RPAIN: variants seen among roughly 807,000 people sequenced by gnomAD.
RPAIN encodes RPA interacting protein, also known as RPA-interacting protein.
Under a neutral mutation model 30.5 loss-of-function variants are expected in RPAIN, and 29 were observed. The ratio of observed to expected loss-of-function variants is 0.95; its 90% CI spans 0.71 to 1.30. The LOEUF (loss-of-function observed/expected upper bound fraction) is 1.30, where lower values mean the gene tolerates loss of function less well. Ranked by LOEUF, RPAIN falls within the 50% of genes most tolerant of loss-of-function variation. The pLI is 0.00. For missense variants in RPAIN, 247 were observed against 264.7 expected (o/e 0.93, Z 0.46); for synonymous variants, 101 against 93.5 (o/e 1.08, Z -0.46).
chr17:5,421,425 G>A lies in RPAIN; in HGVS notation c.211G>A (p.Ala71Thr), dbSNP rs1005741111. Residue 71 changes from alanine to threonine, a missense_variant, in exon 2 of 7, where the codon GCT becomes ACT. Coordinates refer to ENST00000381209, the MANE Select transcript of RPAIN (RefSeq NM_001033002.4). ...AGAGGTGATGGAAGAAGAGTGGAAT[G>A]CTTTGCAGTCAGTGGAGAATTGTCC... ...VQEVMEEEWNALQSVENCPED... is the reference protein window; with the variant it reads ...VQEVMEEEWNTLQSVENCPED... The A allele has an allele frequency of 5.6e-6, 9 of 1,613,998 alleles. No individual in the cohort carries two copies. The highest frequency in any genetic ancestry group is 5.0e-5 in the Admixed American group (3 of 59,992).
Position 5,427,881 on chromosome 17 carries a change from C to G in RPAIN, c.490-190C>G. The G allele has an allele frequency of 7.9e-6, 5 of 634,098 alleles. No individual in the cohort carries two copies. The South Asian group carries it at 9.3e-5, about 12-fold the overall frequency. 39.3% of individuals were successfully genotyped at this position (634,098 alleles called of 1,614,324 possible). Reference sequence around the variant, plus strand: ...GCAGGAGTAGAGGGCGTTGGTTAATCTGGAGAGGCAGTTAAATGGAGATGG... The same window carrying G: ...GCAGGAGTAGAGGGCGTTGGTTAATGTGGAGAGGCAGTTAAATGGAGATGG... On this transcript the variant is annotated intron_variant, in intron 5 of 6. Coordinates refer to ENST00000381209, the MANE Select transcript of RPAIN (RefSeq NM_001033002.4).
chr17:5,426,290 C>A lies in RPAIN; in HGVS notation c.480C>A (p.Ile160=). The A allele has an allele frequency of 6.2e-7, 1 of 1,613,678 alleles. No homozygotes were observed. Among genetic ancestry groups the A allele is most frequent in the Non-Finnish European group, 8.5e-7 (1 of 1,179,574 alleles). ...GVVVCQCGLS[I]PSHSSELTEQ... ...TGGTGTGTCAGTGTGGCCTGTCCAT[C>A]CCATCTCATGTGAGTGTTCCACACA... The change falls in exon 5 of 7, where the codon ATC becomes ATA. Residue 160 remains isoleucine (I), a synonymous_variant. Coordinates refer to ENST00000381209, the MANE Select transcript of RPAIN (RefSeq NM_001033002.4).
Position 5,428,127 on chromosome 17 carries a change from G to A in RPAIN, c.546G>A (p.Glu182=), listed in dbSNP as rs1597344422. 6.2e-7 allele frequency: 1 copy of A among 1,614,114 alleles called. No individual in the cohort carries two copies. Among genetic ancestry groups the A allele is most frequent in the Non-Finnish European group, 8.5e-7 (1 of 1,179,982 alleles). ...LRACLEGSIN[E]HSAHCPHTPE... ...CCTGTTTAGAGGGTAGTATAAATGA[G>A]CACAGTGCACATTGTCCCCACACAC... is the stretch of plus-strand genomic sequence containing the variant. Residue 182 remains glutamate (E), a synonymous_variant, in exon 6 of 7, where the codon GAG becomes GAA. Coordinates refer to ENST00000381209, the MANE Select transcript of RPAIN (RefSeq NM_001033002.4).
intron 1 of RPAIN, 148 bp downstream of exon 1, chr17:5,420,439 G>A (rs1171305098): frequency 3.1e-6 from 2 of 648,816 alleles, no homozygotes; most frequent in Non-Finnish European, 2.6e-6. Context: ...TAGAGTGTGG[G>A]ATTAGCCCGG....
intron 6 of RPAIN, chr17:5,428,431 G>A: frequency 6.9e-7 from 1 of 1,447,424 alleles, no homozygotes; most frequent in Non-Finnish European, 9.0e-7. Context: ...CAAGAGGATT[G>A]GTCTGGGAGT....
intron 3 of RPAIN, 65 bp downstream of exon 3, chr17:5,422,894 C>G: frequency 4.6e-6 from 6 of 1,301,848 alleles, no homozygotes; most frequent in Non-Finnish European, 6.6e-6. Context: ...ACCTTTCCTC[C>G]AATCAGGATT....
Position 5,428,226 on chromosome 17 carries a change from G to A in RPAIN, c.630+15G>A, listed in dbSNP as rs960467208. On this transcript the variant is annotated intron_variant, in intron 6 of 6. Coordinates refer to ENST00000381209, the MANE Select transcript of RPAIN (RefSeq NM_001033002.4). ...TGAGCTGTCTGGTAAGCGTCTCCTG[G>A]GACCCACTCTGTGGTAAGAGGGACC... 4 of 1,614,120 alleles carry A rather than the reference G, an allele frequency of 2.5e-6. No homozygotes were observed. In the Admixed American group the frequency reaches 5.0e-5, roughly 20 times the overall value.
rs1057484737 is a variant in RPAIN, at chr17:5,420,357, T to TCG, written c.81+68_81+69dup. The stretch of plus-strand genomic sequence containing the variant: ...CCGGTGACCGCCGTCTTCCCTGCCT[T>TCG]CGCCTTAGCCCTGCTCCGTGGAGCA... On this transcript the variant is annotated intron_variant, in intron 1 of 6. Coordinates refer to ENST00000381209, the MANE Select transcript of RPAIN (RefSeq NM_001033002.4). 6.1e-5 allele frequency: 86 copies of TCG among 1,416,516 alleles called. No individual in the cohort carries two copies. The African/African-American group carries it at 1.1e-3, about 18-fold the overall frequency. The allele number at this position is 1,416,516 out of a possible 1,614,324, so 87.7% of individuals were successfully genotyped here.
chr17:5,428,301 G>A lies in RPAIN; in HGVS notation c.630+90G>A, dbSNP rs192925573. 1.2e-3 allele frequency: 1,943 copies of A among 1,596,026 alleles called. 4 individuals carry two copies. The highest frequency in any genetic ancestry group is 1.5e-3 in the Non-Finnish European group (1,785 of 1,170,362). On this transcript the variant is annotated intron_variant, in intron 6 of 6. Transcript: ENST00000381209. Reference sequence around the variant, plus strand: ...GATAGAAATAATGACCTATAAACAGGTAAATGTTTAATGCAGTTTATTATC... The same window carrying A: ...GATAGAAATAATGACCTATAAACAGATAAATGTTTAATGCAGTTTATTATC...
chr17:5,428,396 G>A, intron 6 of RPAIN, 185 bp downstream of exon 6: 5 of 1,482,932 alleles, frequency 3.4e-6, no homozygotes, highest in Non-Finnish European at 4.5e-6. Context: ...TCAGAAAGAA[G>A]GGAAGAGGCA....
At chr17:5,427,587 CT>C (rs34395294) in intron 5 of RPAIN, 20 of 150,000 alleles carry the variant, frequency 1.3e-4, no homozygotes, top group Non-Finnish European at 2.1e-4. Flanking sequence ...TTCTTTCTTT[CT>C]TTTTTTTTTA....
At chr17:5,424,029 C>T (rs939766911) in intron 3 of RPAIN, among the ~76,000 whole-genome samples, 1 of 150,960 alleles carries the variant, frequency 6.6e-6, no homozygotes, top group Non-Finnish European at 1.5e-5. Context: ...GCTCTGTTGC[C>T]CAGGCTGGAG....
At chr17:5,427,659 A>T (rs1406908028) in intron 5 of RPAIN, 1 of 163,550 alleles carries the variant, frequency 6.1e-6, no homozygotes, top group Admixed American at 5.8e-5. Flanking sequence ...AAAACTTATT[A>T]TTTACATAAT....
chr17:5,429,676 T>G (rs1262824652), intron 6 of RPAIN: 1 of 985,354 alleles, frequency 1.0e-6, no homozygotes, highest in African/African-American at 1.7e-5. Context: ...AAGCATATGT[T>G]CCCTTCTGTT....
At chr17:5,423,489 G>T (rs926065739) in intron 3 of RPAIN, among the ~76,000 whole-genome samples, 1 of 152,220 alleles carries the variant, frequency 6.6e-6, no homozygotes, top group Middle Eastern at 3.4e-3. Context: ...CCTCACTCCA[G>T]CCTGGCTGAC....
At chr17:5,425,133 G>A (rs976416237) in intron 3 of RPAIN, 4 of 336,870 alleles carry the variant, frequency 1.2e-5, no homozygotes, top group South Asian at 4.6e-5. Flanking sequence ...ACAAATAAGC[G>A]TGACTGTAGT....
intron 6 of RPAIN, chr17:5,431,689 G>C: frequency 2.2e-6 from 1 of 454,358 alleles, no homozygotes; most frequent in South Asian, 1.6e-5. Context: ...AGGATGTGTT[G>C]AAAGATAGGG....
chr17:5,426,162 G>C (rs1915368633), intron 4 of RPAIN, 74 bp from the exon 5 acceptor site: 2 of 1,575,428 alleles, frequency 1.3e-6, no homozygotes, highest in Non-Finnish European at 1.7e-6. Flanking sequence ...CCCCAGATTT[G>C]TTGCCTGAAA....
At chr17:5,431,923 T>C (rs1916000549) in intron 6 of RPAIN, 6 of 299,158 alleles carry the variant, frequency 2.0e-5, no homozygotes, top group South Asian at 9.1e-5. Flanking sequence ...GTGGGAGTTA[T>C]TGATCCCCTA....
Sources: gnomAD v4.1 joint callset for allele counts (sites outside exome capture counted in the v4.1 genomes callset) on GRCh38, gnomAD v4.1.1 for gene constraint, MANE v1.5 for transcripts, NCBI Gene and HGNC (gene_info 2026-07-23, HGNC 2026-07-21) for gene names.